The following NTRK3 variants were observed in gnomAD, a reference collection of about 807,000 sequenced individuals.
The protein encoded by NTRK3 is neurotrophic receptor tyrosine kinase 3, also known as NT-3 growth factor receptor.
Under a neutral mutation model 91.7 loss-of-function variants are expected in NTRK3, and 24 were observed. That is an observed-to-expected ratio of 0.26 (90% CI 0.19 to 0.37). NTRK3 has a LOEUF of 0.37. Among genes scored for constraint, NTRK3 ranks in the 10% least tolerant of loss-of-function variants. NTRK3 has a pLI of 1.00. For synonymous variants in NTRK3, 483 were observed against 404.0 expected, an observed-to-expected ratio of 1.20 and a Z score of -2.34; for missense variants, 880 against 1,068.9, an observed-to-expected ratio of 0.82 and a Z score of 2.46.
intron 14 of NTRK3, among the ~76,000 whole-genome samples, chr15:87,948,442 C>T (rs1182926365): frequency 2.0e-5 from 3 of 152,212 alleles, no homozygotes; most frequent in African/African-American, 4.8e-5. Flanking sequence ...AATCCCAGCA[C>T]TTTGGGAGGC....
chr15:87,952,210 G>GAAGAA, intron 14 of NTRK3, among the ~76,000 whole-genome samples: 1 of 140,994 alleles, frequency 7.1e-6, no homozygotes. Context: ...AAGAAAGAAA[G>GAAGAA]AAGAAAAGAA....
intron 14 of NTRK3, among the ~76,000 whole-genome samples, chr15:87,958,209 AG>A (rs1437197938): frequency 1.3e-5 from 2 of 152,228 alleles, no homozygotes; most frequent in Admixed American, 1.3e-4. Context: ...TCAGAAGGGC[AG>A]TGGCATATAT....
chr15:88,128,922 C>T (rs1419738119), intron 10 of NTRK3, among the ~76,000 whole-genome samples, 188 bp from the exon 11 acceptor site: 1 of 152,136 alleles, frequency 6.6e-6, no homozygotes, highest in Non-Finnish European at 1.5e-5. Flanking sequence ...GGGGGTGGTC[C>T]TCCAAATGGA....
chr15:88,060,323 G>A (rs1267209722), intron 13 of NTRK3, among the ~76,000 whole-genome samples: 4 of 149,678 alleles, frequency 2.7e-5, no homozygotes, highest in Admixed American at 6.7e-5. Context: ...GGTGGAGGTC[G>A]CAGTGATCCA....
rs550129146 is a variant in NTRK3 at position 88,172,254 on chromosome 15, T to C, written c.395+11164A>G. On this transcript the variant is annotated intron_variant, in intron 5 of 18. Coordinates refer to ENST00000394480, the Ensembl canonical transcript of NTRK3. ...AGAAAGAGACACAAACCTGTTAGCCTGCTAAGGAATGAAGAGGAACAGAAA... is the reference window on the plus strand; with the variant it reads ...AGAAAGAGACACAAACCTGTTAGCCCGCTAAGGAATGAAGAGGAACAGAAA... 5.3e-5 allele frequency among the ~76,000 whole-genome samples: 8 copies of C among 152,290 alleles called. No homozygotes were observed. The South Asian group carries it at 1.7e-3, about 32-fold the overall frequency.
Position 88,126,381 on chromosome 15 carries a change from G to A in NTRK3, c.1294-8C>T, listed in dbSNP as rs556412387. On this transcript the variant is annotated splice_polypyrimidine_tract_variant and splice_region_variant and intron_variant, in intron 12 of 18. Coordinates refer to ENST00000394480, the Ensembl canonical transcript of NTRK3. ...TCCAACTGCTATGGATACCTGTGAGGAACCAGAAACAGAGAGTCAGCAACA... is the reference window on the plus strand; with the variant it reads ...TCCAACTGCTATGGATACCTGTGAGAAACCAGAAACAGAGAGTCAGCAACA... 2 of 1,595,740 alleles carry A rather than the reference G, an allele frequency of 1.3e-6. No homozygotes were observed. Among genetic ancestry groups the A allele is most frequent in the African/African-American group, 1.3e-5 (1 of 74,630 alleles).
chr15:87,991,201 G>A (rs2141489190), intron 14 of NTRK3, among the ~76,000 whole-genome samples: 1 of 152,080 alleles, frequency 6.6e-6, no homozygotes, highest in African/African-American at 2.4e-5. Context: ...TTCCTTCACT[G>A]GTCCCTATGC....
chr15:88,038,235 T>C (rs965035786), intron 13 of NTRK3, among the ~76,000 whole-genome samples: 1 of 152,234 alleles, frequency 6.6e-6, no homozygotes, highest in Admixed American at 6.5e-5. Flanking sequence ...TGTATGTCAC[T>C]GCTGAATGTT....
At chr15:88,046,654 C>T (rs3784432) in intron 13 of NTRK3, among the ~76,000 whole-genome samples, 67,121 of 151,946 alleles carry the variant, frequency 0.44, 16,711 homozygotes, top group African/African-American at 0.69. Flanking sequence ...AGATCCTCTC[C>T]GTTTTCTCAG....
intron 8 of NTRK3, among the ~76,000 whole-genome samples, chr15:88,136,249 T>G (rs150510124): frequency 4.1e-4 from 63 of 152,372 alleles, no homozygotes; most frequent in Non-Finnish European, 7.5e-4. Flanking sequence ...TGAACGGTAG[T>G]TCAGTACTAT....
At chr15:87,950,925 G>T (rs1277559940) in intron 14 of NTRK3, among the ~76,000 whole-genome samples, 1 of 152,186 alleles carries the variant, frequency 6.6e-6, no homozygotes, top group African/African-American at 2.4e-5. Flanking sequence ...GCACACAGTA[G>T]GTGCTCAATA....
intron 13 of NTRK3, among the ~76,000 whole-genome samples, chr15:88,090,747 C>G (rs774272040): frequency 2.0e-5 from 3 of 152,156 alleles, no homozygotes; most frequent in African/African-American, 7.2e-5. Context: ...AACCCCTGAC[C>G]CACTCTTAAT....
chr15:88,207,771 AAC>A (rs1401158119), intron 3 of NTRK3, among the ~76,000 whole-genome samples: 24 of 152,140 alleles, frequency 1.6e-4, no homozygotes, highest in Non-Finnish European at 2.9e-4. Context: ...ATCACCCTCA[AAC>A]ACAGCCTCAA....
At chr15:88,030,637 G>A (rs908003079) in intron 14 of NTRK3, among the ~76,000 whole-genome samples, 1 of 152,100 alleles carries the variant, frequency 6.6e-6, no homozygotes, top group Non-Finnish European at 1.5e-5. Flanking sequence ...TAAAATTTAT[G>A]TGCAGTGCCA....
At chr15:88,211,427 G>A (rs2049237436) in intron 3 of NTRK3, among the ~76,000 whole-genome samples, 1 of 152,224 alleles carries the variant, frequency 6.6e-6, no homozygotes, top group African/African-American at 2.4e-5. Flanking sequence ...ACATTTTGGA[G>A]TGTTTCCACC....
chr15:87,863,216 AG>A (rs1341377052), exon 19 of NTRK3: 5 of 226,878 alleles, frequency 2.2e-5, no homozygotes, highest in Non-Finnish European at 4.4e-5. Context: ...CAGCTAAGCT[AG>A]GCTTGGTAAT....
In NTRK3 at chr15:88,032,414, T is replaced by C. The variant is rs932476505; in HGVS notation, c.1585+443A>G. On this transcript the variant is annotated intron_variant, in intron 14 of 18. Coordinates refer to ENST00000394480, the Ensembl canonical transcript of NTRK3. ...GGCACTGGAGGGGCAGCTAGAGAGA[T>C]GTTTCCATTCAAAGGTACTCACTGC... Among the ~76,000 whole-genome samples, 7 of 152,066 alleles carry C rather than the reference T, an allele frequency of 4.6e-5. No homozygotes were observed. The East Asian group carries it at 9.7e-4, about 21-fold the overall frequency.
At chr15:87,880,839 C>G (rs773082288) in intron 17 of NTRK3, among the ~76,000 whole-genome samples, 1 of 152,226 alleles carries the variant, frequency 6.6e-6, no homozygotes, top group African/African-American at 2.4e-5. Flanking sequence ...GCTGCAGTGG[C>G]ACAGTATATT....
At chr15:88,204,978 C>T (rs937234452) in intron 3 of NTRK3, among the ~76,000 whole-genome samples, 42 of 152,284 alleles carry the variant, frequency 2.8e-4, no homozygotes, top group African/African-American at 9.9e-4. Flanking sequence ...AAAGATGATG[C>T]GTTTCTGAGA....
Sources: gnomAD v4.1 joint callset for allele counts (sites outside exome capture counted in the v4.1 genomes callset) on GRCh38, gnomAD v4.1.1 for gene constraint, MANE v1.5 for transcripts, NCBI Gene and HGNC (gene_info 2026-07-23, HGNC 2026-07-21) for gene names.